The following ARRDC5 variants were observed in gnomAD, a reference collection of about 807,000 sequenced individuals.
ARRDC5 encodes the protein arrestin domain containing 5, also known as arrestin domain-containing protein 5.
A neutral mutation model predicts 13.3 loss-of-function variants in ARRDC5; 12 were observed. The observed-to-expected ratio is 0.90, with a 90% CI of 0.58 to 1.46. The LOEUF is 1.46. Ranked by LOEUF, ARRDC5 falls within the 40% of genes most tolerant of loss-of-function variation. The probability of loss-of-function intolerance (pLI) is 0.00; values close to 1 mark genes in which losing one functional copy is unlikely to be tolerated. For synonymous variants in ARRDC5, 181 were observed against 173.4 expected, an observed-to-expected ratio of 1.04 and a Z score of -0.34; for missense variants, 406 against 418.7, an observed-to-expected ratio of 0.97 and a Z score of 0.26.
the ARRDC5 span, chr19:4,911,130 C>T: frequency 8.1e-7 from 1 of 1,238,560 alleles, no homozygotes; most frequent in Non-Finnish European, 1.1e-6. Flanking sequence ...CCCACCTCCC[C>T]CCCCAACAAC....
In ARRDC5 at chr19:4,890,862, A is replaced by G. The variant is rs2031476149; in HGVS notation, c.*184T>C. On this transcript the variant is annotated 3_prime_UTR_variant, in exon 3 of 3. Transcript: ENST00000650722. ...GAGACCTTCCCGGTTTCCTTTGTCC[A>G]TTCCAGGCATTCAGTGATAGTTCTA... 2.0e-5 allele frequency: 12 copies of G among 591,778 alleles called. No homozygotes were observed. The East Asian group carries it at 3.5e-4, about 17-fold the overall frequency. 36.7% of individuals were successfully genotyped at this position (591,778 alleles called of 1,614,324 possible).
At chr19:4,909,279 G>A in the ARRDC5 span, 1 of 530,164 alleles carries the variant, frequency 1.9e-6, no homozygotes, top group East Asian at 3.5e-5. Context: ...GCCCTGCCAC[G>A]CAGCCCCTTT....
intron 2 of ARRDC5, among the ~76,000 whole-genome samples, chr19:4,894,355 C>T (rs2031627416): frequency 6.7e-6 from 1 of 150,194 alleles, no homozygotes; most frequent in East Asian, 2.0e-4. Flanking sequence ...ACTAAAAATA[C>T]AAAAAATTAG....
chr19:4,904,257 C>A (rs1157905894), upstream of ARRDC5, among the ~76,000 whole-genome samples: 2 of 152,160 alleles, frequency 1.3e-5, no homozygotes, highest in Non-Finnish European at 2.9e-5. Flanking sequence ...CGGCTCACTG[C>A]AAGCTCCGCC....
At chr19:4,909,463 G>A in the ARRDC5 span, 2 of 653,988 alleles carry the variant, frequency 3.1e-6, no homozygotes, top group African/African-American at 1.9e-5. Flanking sequence ...CTGCGGCCCC[G>A]CAACTCCCAA....
chr19:4,898,079 G>A (rs1358499986), intron 1 of ARRDC5, among the ~76,000 whole-genome samples: 2 of 151,882 alleles, frequency 1.3e-5, no homozygotes, highest in Non-Finnish European at 2.9e-5. Context: ...AGAGCGAGAC[G>A]CCATCTCTAA....
the ARRDC5 span, among the ~76,000 whole-genome samples, chr19:4,913,807 CTTT>C: frequency 4.5e-5 from 5 of 110,148 alleles, no homozygotes; most frequent in South Asian, 2.8e-4. Flanking sequence ...CATGCAGTAG[CTTT>C]TTTTTTTTTT....
At chr19:4,909,505 C>G in the ARRDC5 span, 1 of 657,438 alleles carries the variant, frequency 1.5e-6, no homozygotes. Context: ...AAAATCAGAG[C>G]AGCTGGCAGC....
the ARRDC5 span, among the ~76,000 whole-genome samples, chr19:4,915,743 CAA>C: frequency 6.6e-6 from 1 of 151,948 alleles, no homozygotes; most frequent in Non-Finnish European, 1.5e-5. Context: ...AAAACCAAAA[CAA>C]AAGAGGTGCA....
chr19:4,913,055 A>G, the ARRDC5 span, among the ~76,000 whole-genome samples: 1 of 152,100 alleles, frequency 6.6e-6, no homozygotes, highest in Non-Finnish European at 1.5e-5. Context: ...TGCCGGACCT[A>G]AAAGCTTTGT....
At chr19:4,895,636 G>A (rs1464999498) in intron 2 of ARRDC5, among the ~76,000 whole-genome samples, 2 of 152,014 alleles carry the variant, frequency 1.3e-5, no homozygotes, top group South Asian at 2.1e-4. Flanking sequence ...TCAGCCAAGC[G>A]GAGGCTGCAC....
chr19:4,898,406 G>A (rs1049164075), intron 1 of ARRDC5, among the ~76,000 whole-genome samples: 39 of 151,960 alleles, frequency 2.6e-4, no homozygotes, highest in African/African-American at 9.4e-4. Flanking sequence ...CTGTCACCCA[G>A]GCTGGAGTGC....
chr19:4,906,217 G>C (rs1359350273), upstream of ARRDC5, among the ~76,000 whole-genome samples: 3 of 152,126 alleles, frequency 2.0e-5, no homozygotes, highest in Non-Finnish European at 2.9e-5. Context: ...GGGCGCAAGA[G>C]ATCAGCCTTC....
upstream of ARRDC5, chr19:4,903,137 C>A: frequency 6.0e-6 from 2 of 334,654 alleles, no homozygotes; most frequent in Non-Finnish European, 1.1e-5. Flanking sequence ...AGCAATTCTC[C>A]TGCCTCAGCC....
chr19:4,900,942 C>A (rs1322005123), intron 1 of ARRDC5, among the ~76,000 whole-genome samples: 1 of 151,962 alleles, frequency 6.6e-6, no homozygotes, highest in Non-Finnish European at 1.5e-5. Context: ...TCGGTTGAAC[C>A]CAGGAGGTGG....
At chr19:4,901,910 G>C (rs921323946) in intron 1 of ARRDC5, among the ~76,000 whole-genome samples, 1 of 151,828 alleles carries the variant, frequency 6.6e-6, no homozygotes, top group Non-Finnish European at 1.5e-5. Context: ...TTTTTGAGAG[G>C]GAATCTCGCT....
chr19:4,904,660 T>C (rs560868614), upstream of ARRDC5, among the ~76,000 whole-genome samples: 1 of 152,302 alleles, frequency 6.6e-6, no homozygotes, highest in Admixed American at 6.5e-5. Flanking sequence ...GGATGGGAAG[T>C]CCCTCCAGGG....
chr19:4,891,954 C>CAAA (rs33946883), intron 2 of ARRDC5, among the ~76,000 whole-genome samples: 14,569 of 138,758 alleles, frequency 0.1, 936 homozygotes, highest in Admixed American at 0.19. Flanking sequence ...AACTCCGTCT[C>CAAA]AAAAAAAAAA....
chr19:4,902,549 G>A lies in ARRDC5; in HGVS notation c.253+24C>T, dbSNP rs373229856. On this transcript the variant is annotated intron_variant, in intron 1 of 2. Transcript: ENST00000650722. ...GACCCAGGTTCCTGTCATGGCTAGG[G>A]GTGGCTGTTGGCCTCGTCCTTACCC... 129 of 1,609,116 alleles carry A rather than the reference G, an allele frequency of 8.0e-5. No individual in the cohort carries two copies. In the African/African-American group the frequency reaches 1.4e-3, roughly 17 times the overall value.
Sources: gnomAD v4.1 joint callset for allele counts (sites outside exome capture counted in the v4.1 genomes callset) on GRCh38, gnomAD v4.1.1 for gene constraint, MANE v1.5 for transcripts, NCBI Gene and HGNC (gene_info 2026-07-23, HGNC 2026-07-21) for gene names.